The following SGCZ variants were observed in gnomAD, a reference collection of about 807,000 sequenced individuals.
SGCZ encodes sarcoglycan zeta, also known as zeta-sarcoglycan.
In SGCZ, 40 loss-of-function variants were observed where a neutral mutation model predicts 41.3. That is an observed-to-expected ratio of 0.97 (90% CI 0.75 to 1.26). The LOEUF (loss-of-function observed/expected upper bound fraction) is 1.26, where lower values mean the gene tolerates loss of function less well. SGCZ is among the 50% of genes most tolerant of loss of function. The pLI is 0.00. For missense variants in SGCZ, 552 were observed against 369.8 expected (o/e 1.49, Z -4.04); for synonymous variants, 206 against 137.5 (o/e 1.50, Z -3.49).
intron 1 of SGCZ, among the ~76,000 whole-genome samples, chr8:15,060,284 G>C (rs1804872483): frequency 6.6e-6 from 1 of 151,988 alleles, no homozygotes; most frequent in Admixed American, 6.6e-5. Flanking sequence ...GTCCAAAAAT[G>C]ATAGACTGGA....
chr8:14,399,220 A>C (rs2117240552), intron 2 of SGCZ, among the ~76,000 whole-genome samples: 1 of 152,232 alleles, frequency 6.6e-6, no homozygotes, highest in African/African-American at 2.4e-5. Context: ...GGTTCCTTGG[A>C]GTCCTTTTTA....
At chr8:14,665,309 A>T (rs1041981412) in intron 1 of SGCZ, among the ~76,000 whole-genome samples, 4 of 152,162 alleles carry the variant, frequency 2.6e-5, no homozygotes, top group Admixed American at 1.3e-4. Flanking sequence ...GATGGTTTCC[A>T]GCTTCATCCA....
chr8:14,920,980 G>A (rs1161147996), intron 1 of SGCZ, among the ~76,000 whole-genome samples: 2 of 152,146 alleles, frequency 1.3e-5, no homozygotes, highest in Non-Finnish European at 2.9e-5. Context: ...ACTGCAGGAA[G>A]CTATCTCACC....
chr8:14,606,070 A>C (rs1230041159), intron 1 of SGCZ, among the ~76,000 whole-genome samples: 1 of 152,110 alleles, frequency 6.6e-6, no homozygotes, highest in Non-Finnish European at 1.5e-5. Flanking sequence ...CACCTTTAAA[A>C]TATAACACTA....
At chr8:14,106,855 A>C (rs1316709622) in intron 6 of SGCZ, among the ~76,000 whole-genome samples, 1 of 152,232 alleles carries the variant, frequency 6.6e-6, no homozygotes, top group Non-Finnish European at 1.5e-5. Flanking sequence ...AGTGCATTTC[A>C]GAATGTAATT....
intron 1 of SGCZ, among the ~76,000 whole-genome samples, chr8:14,651,604 T>C (rs1455854220): frequency 1.3e-5 from 2 of 152,074 alleles, no homozygotes; most frequent in Non-Finnish European, 2.9e-5. Context: ...CTAGCTCATT[T>C]TCAATAAATT....
chr8:14,975,658 C>T (rs1468130677), intron 1 of SGCZ, among the ~76,000 whole-genome samples: 1 of 151,930 alleles, frequency 6.6e-6, no homozygotes, highest in African/African-American at 2.4e-5. Context: ...CAGTGTATAT[C>T]TCAGGGACAA....
rs183844385 is a variant in SGCZ, at chr8:14,780,179, C to T, written c.40-225253G>A. 2.1e-4 allele frequency among the ~76,000 whole-genome samples: 32 copies of T among 152,082 alleles called. No individual in the cohort carries two copies. The East Asian group carries it at 6.2e-3, about 30-fold the overall frequency. ...CACGAGGTCAGGAGATCCAGACCAT[C>T]CTGGATAACACGGTGAAACCCCGTC... On this transcript the variant is annotated intron_variant, in intron 1 of 7. Coordinates refer to ENST00000382080, the MANE Select transcript of SGCZ (RefSeq NM_139167.4).
chr8:14,807,208 T>G (rs552450705), intron 1 of SGCZ, among the ~76,000 whole-genome samples: 58 of 152,038 alleles, frequency 3.8e-4, no homozygotes, highest in Admixed American at 1.6e-3. Context: ...CTATTCAACA[T>G]AGTGTTGGAA....
At chr8:14,678,542 C>G (rs1441937) in intron 1 of SGCZ, among the ~76,000 whole-genome samples, 2,525 of 152,250 alleles carry the variant, frequency 0.017, 32 homozygotes, top group Non-Finnish European at 0.026. Flanking sequence ...ACACCAAATG[C>G]TAGTAAGGAT....
chr8:14,424,200 G>A (rs1191891894), intron 2 of SGCZ, among the ~76,000 whole-genome samples: 1 of 152,016 alleles, frequency 6.6e-6, no homozygotes, highest in Non-Finnish European at 1.5e-5. Flanking sequence ...AAGGAGGGCG[G>A]GATAAAAACC....
intron 3 of SGCZ, among the ~76,000 whole-genome samples, chr8:14,292,052 T>C (rs1800857377): frequency 6.6e-6 from 1 of 152,046 alleles, no homozygotes; most frequent in Non-Finnish European, 1.5e-5. Context: ...AGGTGGAAGC[T>C]TCTTTAAGCT....
chr8:15,158,136 A>C (rs1326617023), intron 1 of SGCZ, among the ~76,000 whole-genome samples: 1 of 150,314 alleles, frequency 6.7e-6, no homozygotes, highest in Non-Finnish European at 1.5e-5. Context: ...TCTCTACTCC[A>C]TCTCTTATCA....
At chr8:14,944,513 C>G (rs1474510682) in intron 1 of SGCZ, among the ~76,000 whole-genome samples, 1 of 152,142 alleles carries the variant, frequency 6.6e-6, no homozygotes, top group East Asian at 1.9e-4. Flanking sequence ...TTAGGCCATT[C>G]TATCACATTA....
chr8:14,685,922 C>G (rs1195267865), intron 1 of SGCZ, among the ~76,000 whole-genome samples: 2 of 152,118 alleles, frequency 1.3e-5, no homozygotes, highest in Non-Finnish European at 2.9e-5. Context: ...GAATTCATGA[C>G]AGCAAGACTT....
chr8:14,212,650 G>A (rs1248490552), intron 4 of SGCZ, among the ~76,000 whole-genome samples: 1 of 152,006 alleles, frequency 6.6e-6, no homozygotes, highest in Non-Finnish European at 1.5e-5. Context: ...TGTCCAAGAT[G>A]CAATTTAAAA....
chr8:15,192,104 C>A lies in SGCZ; in HGVS notation c.39+45481G>T, dbSNP rs186291902. Among the ~76,000 whole-genome samples the A allele has an allele frequency of 3.9e-5, 6 of 152,004 alleles. No individual in the cohort carries two copies. The South Asian group carries it at 1.2e-3, about 32-fold the overall frequency. Reference sequence around the variant, plus strand: ...GTGTTTTTACTTCTGTTATGGTAACCCCTCCCCCAGTAATGGGAATATTCT... The same window carrying A: ...GTGTTTTTACTTCTGTTATGGTAACACCTCCCCCAGTAATGGGAATATTCT... On this transcript the variant is annotated intron_variant, in intron 1 of 7. Coordinates refer to ENST00000382080, the MANE Select transcript of SGCZ (RefSeq NM_139167.4).
intron 1 of SGCZ, among the ~76,000 whole-genome samples, chr8:14,933,674 G>T (rs894322129): frequency 6.6e-6 from 1 of 151,650 alleles, no homozygotes; most frequent in Non-Finnish European, 1.5e-5. Flanking sequence ...GGATGATCTC[G>T]ATCTCCTGAC....
In SGCZ at chr8:15,173,749, A is replaced by C. The variant is rs578252004; in HGVS notation, c.39+63836T>G. ...TTTTCTCAGACTCAAGTTCTTCGTT[A>C]GCAGATTCATTCATTTATTTAGAGA... On this transcript the variant is annotated intron_variant, in intron 1 of 7. Coordinates refer to ENST00000382080, the MANE Select transcript of SGCZ (RefSeq NM_139167.4). 1.8e-4 allele frequency among the ~76,000 whole-genome samples: 28 copies of C among 152,238 alleles called. 1 individual carries two copies. The highest frequency in any genetic ancestry group is 6.2e-4 in the South Asian group (3 of 4,814).
Sources: gnomAD v4.1 joint callset for allele counts (sites outside exome capture counted in the v4.1 genomes callset) on GRCh38, gnomAD v4.1.1 for gene constraint, MANE v1.5 for transcripts, NCBI Gene and HGNC (gene_info 2026-07-23, HGNC 2026-07-21) for gene names.